The following L3MBTL4 variants were observed in gnomAD, a reference collection of about 807,000 sequenced individuals.
L3MBTL4 encodes the protein L3MBTL histone methyl-lysine binding protein 4, also known as lethal(3)malignant brain tumor-like protein 4.
Under a neutral mutation model 84.5 loss-of-function variants are expected in L3MBTL4, and 70 were observed. That is an observed-to-expected ratio of 0.83 (90% CI 0.68 to 1.01). The LOEUF is 1.01. L3MBTL4 is among the 50% of genes least tolerant of loss of function. The probability of loss-of-function intolerance (pLI) is 0.00; values close to 1 mark genes in which losing one functional copy is unlikely to be tolerated. For missense variants in L3MBTL4, 715 were observed against 754.8 expected, an observed-to-expected ratio of 0.95 and a Z score of 0.62; for synonymous variants, 274 against 259.8, an observed-to-expected ratio of 1.05 and a Z score of -0.52.
intron 17 of L3MBTL4, among the ~76,000 whole-genome samples, chr18:5,966,847 T>C (rs969840763): frequency 6.6e-6 from 1 of 152,206 alleles, no homozygotes; most frequent in Non-Finnish European, 1.5e-5. Context: ...TGTTTAGTGC[T>C]GAGACTGTAA....
intron 16 of L3MBTL4, among the ~76,000 whole-genome samples, chr18:6,021,408 T>C (rs111374675): frequency 3.0e-4 from 45 of 152,178 alleles, no homozygotes; most frequent in African/African-American, 1.1e-3. Context: ...TAAAGCTTGG[T>C]GAAGAAATTC....
chr18:6,375,949 A>G (rs1358001488), intron 1 of L3MBTL4, among the ~76,000 whole-genome samples: 1 of 152,194 alleles, frequency 6.6e-6, no homozygotes, highest in Non-Finnish European at 1.5e-5. Flanking sequence ...GTCCCAAAAC[A>G]TGTGGCTACA....
At chr18:6,342,710 A>G (rs2052668305) in intron 1 of L3MBTL4, among the ~76,000 whole-genome samples, 1 of 152,276 alleles carries the variant, frequency 6.6e-6, no homozygotes, top group African/African-American at 2.4e-5. Flanking sequence ...CAATTACTGA[A>G]ATATTTTTAG....
chr18:5,958,044 GAGAAGGAGA>G (rs1205679138), intron 18 of L3MBTL4, among the ~76,000 whole-genome samples: 1,337 of 127,378 alleles, frequency 0.01, 31 homozygotes, highest in African/African-American at 0.038. Flanking sequence ...GGAGGAGGAG[GAGAAGGAGA>G]AGGAGAAGGA....
At chr18:6,158,264 G>A (rs1011801148) in intron 13 of L3MBTL4, among the ~76,000 whole-genome samples, 8 of 152,158 alleles carry the variant, frequency 5.3e-5, no homozygotes, top group African/African-American at 9.7e-5. Context: ...TTTGCACTGC[G>A]GAGATAAGGA....
At chr18:6,082,186 T>C (rs896461822) in intron 15 of L3MBTL4, among the ~76,000 whole-genome samples, 1 of 152,174 alleles carries the variant, frequency 6.6e-6, no homozygotes. Flanking sequence ...AATAGTATGT[T>C]AAAAACCAGT....
In L3MBTL4 at chr18:5,982,638, T is replaced by C. The variant is rs188316307; in HGVS notation, c.1445-13076A>G. Reference sequence around the variant, plus strand: ...AAAATACACATTGAGAAACGTGCTATAAATTAGTTCATTTCAGATGCTAAT... The same window carrying C: ...AAAATACACATTGAGAAACGTGCTACAAATTAGTTCATTTCAGATGCTAAT... On this transcript the variant is annotated intron_variant, in intron 16 of 18. Transcript: ENST00000317931. 3.0e-4 allele frequency among the ~76,000 whole-genome samples: 45 copies of C among 152,312 alleles called. No individual in the cohort carries two copies. In the East Asian group the frequency reaches 8.1e-3, roughly 27 times the overall value.
chr18:6,354,134 C>G (rs1944299776), intron 1 of L3MBTL4, among the ~76,000 whole-genome samples: 1 of 152,078 alleles, frequency 6.6e-6, no homozygotes, highest in African/African-American at 2.4e-5. Context: ...ATCCACATAC[C>G]TACAGTGAAC....
chr18:6,304,953 C>T (rs923928384), intron 3 of L3MBTL4, among the ~76,000 whole-genome samples: 2 of 152,176 alleles, frequency 1.3e-5, no homozygotes, highest in Non-Finnish European at 2.9e-5. Context: ...TTGGTTCACA[C>T]TTCTGTATTT....
intron 4 of L3MBTL4, among the ~76,000 whole-genome samples, chr18:6,286,006 AT>A (rs1312602077): frequency 6.6e-6 from 1 of 150,776 alleles, no homozygotes; most frequent in Non-Finnish European, 1.5e-5. Flanking sequence ...TAATTTTTGT[AT>A]TTCTAGTAGA....
intron 13 of L3MBTL4, among the ~76,000 whole-genome samples, chr18:6,165,320 A>C (rs932793166): frequency 4.6e-5 from 7 of 152,176 alleles, no homozygotes; most frequent in African/African-American, 1.7e-4. Context: ...AAATTCAGGA[A>C]ATACAGAGAA....
At chr18:6,353,180 T>C (rs2053277391) in intron 1 of L3MBTL4, among the ~76,000 whole-genome samples, 1 of 152,114 alleles carries the variant, frequency 6.6e-6, no homozygotes, top group Admixed American at 6.6e-5. Flanking sequence ...CTTTCTGCCA[T>C]TGACACACTC....
chr18:6,181,572 C>A (rs1040018016), intron 12 of L3MBTL4, among the ~76,000 whole-genome samples: 11 of 152,044 alleles, frequency 7.2e-5, no homozygotes, highest in Non-Finnish European at 1.0e-4. Context: ...TCAAGTTATC[C>A]GCCCACCTTG....
chr18:6,170,745 G>T (rs769338024), intron 13 of L3MBTL4, among the ~76,000 whole-genome samples: 1 of 152,088 alleles, frequency 6.6e-6, no homozygotes, highest in Non-Finnish European at 1.5e-5. Flanking sequence ...TATTGGGGGG[G>T]GTTCACATAA....
Position 6,279,762 on chromosome 18 carries a change from G to C in L3MBTL4, c.128-15724C>G, listed in dbSNP as rs2049246389. 2.0e-5 allele frequency among the ~76,000 whole-genome samples: 3 copies of C among 152,154 alleles called. No homozygotes were observed. The South Asian group carries it at 6.2e-4, about 32-fold the overall frequency. ...ATGAATACCACCCTGTAAGTCATCA[G>C]ATTAACAACCACCTATATGAGATGG... On this transcript the variant is annotated intron_variant, in intron 4 of 18. Transcript: ENST00000317931.
chr18:5,958,881 C>A (rs1277659258), intron 18 of L3MBTL4, among the ~76,000 whole-genome samples: 1 of 152,076 alleles, frequency 6.6e-6, no homozygotes, highest in African/African-American at 2.4e-5. Context: ...ATTCAACCTG[C>A]AAAAAGCCAC....
chr18:6,355,431 T>C (rs1040552004), intron 1 of L3MBTL4, among the ~76,000 whole-genome samples: 1 of 152,162 alleles, frequency 6.6e-6, no homozygotes, highest in Admixed American at 6.5e-5. Context: ...TTGTTGATTT[T>C]TTTTTTTCTT....
chr18:6,374,412 A>G (rs931101135), intron 1 of L3MBTL4: 1 of 154,838 alleles, frequency 6.5e-6, no homozygotes, highest in African/African-American at 2.4e-5. Context: ...CTCCCTGGCA[A>G]TGTCTCGCCT....
intron 3 of L3MBTL4, 143 bp downstream of exon 3, chr18:6,311,411 T>G: frequency 3.0e-6 from 2 of 660,518 alleles, no homozygotes; most frequent in Admixed American, 4.4e-5. Flanking sequence ...TCTATACCCC[T>G]ACACATAAAG....
Sources: gnomAD v4.1 joint callset for allele counts (sites outside exome capture counted in the v4.1 genomes callset) on GRCh38, gnomAD v4.1.1 for gene constraint, MANE v1.5 for transcripts, NCBI Gene and HGNC (gene_info 2026-07-23, HGNC 2026-07-21) for gene names.